Variants in CENPP observed in about 807,000 individuals in gnomAD.
The protein encoded by CENPP is centromere protein P.
In CENPP, 24 loss-of-function variants were observed where a neutral mutation model predicts 35.6. That is an observed-to-expected ratio of 0.67 (90% CI 0.49 to 0.95). CENPP has a LOEUF of 0.95. Among genes scored for constraint, CENPP ranks in the 40% least tolerant of loss-of-function variants. CENPP has a pLI of 0.00. For missense variants in CENPP, 332 were observed against 345.3 expected, an observed-to-expected ratio of 0.96 and a Z score of 0.31; for synonymous variants, 120 against 125.5, an observed-to-expected ratio of 0.96 and a Z score of 0.29.
At chr9:92,502,921 C>A (rs1023027844) in intron 5 of CENPP, among the ~76,000 whole-genome samples, 1 of 151,028 alleles carries the variant, frequency 6.6e-6, no homozygotes, top group African/African-American at 2.4e-5. Context: ...GATCCTACCA[C>A]CTCAGTCCCA....
chr9:92,457,101 C>A, intron 5 of CENPP: 1 of 1,391,094 alleles, frequency 7.2e-7, no homozygotes, highest in Non-Finnish European at 9.3e-7. Flanking sequence ...TCTCTCAACC[C>A]TTATGTATCA....
At chr9:92,589,372 A>G (rs1398296088) in intron 5 of CENPP, among the ~76,000 whole-genome samples, 1 of 152,044 alleles carries the variant, frequency 6.6e-6, no homozygotes, top group Admixed American at 6.5e-5. Context: ...TTTTAAGAGA[A>G]AAAGGAAACT....
At chr9:92,392,270 G>A (rs1842715127) in intron 5 of CENPP, among the ~76,000 whole-genome samples, 1 of 152,004 alleles carries the variant, frequency 6.6e-6, no homozygotes, top group Non-Finnish European at 1.5e-5. Flanking sequence ...ATGTTGCTTG[G>A]GCCCTACCCC....
At chr9:92,522,536 C>T (rs1848139608) in intron 5 of CENPP, 1 of 1,521,884 alleles carries the variant, frequency 6.6e-7, no homozygotes, top group Non-Finnish European at 8.8e-7. Flanking sequence ...CTCTCACCCT[C>T]CTCCCTCTTT....
At chr9:92,565,577 A>C (rs1388205524) in intron 5 of CENPP, among the ~76,000 whole-genome samples, 1 of 152,190 alleles carries the variant, frequency 6.6e-6, no homozygotes, top group East Asian at 1.9e-4. Context: ...CTATCCTTCA[A>C]ATATCAGAGA....
Position 92,620,386 on chromosome 9 carries a change from C to A in CENPP, c.*7237C>A, listed in dbSNP as rs1265961825. 2 of 152,284 alleles carry A rather than the reference C, an allele frequency of 1.3e-5. No individual in the cohort carries two copies. Among genetic ancestry groups the A allele is most frequent in the Admixed American group, 1.3e-4 (2 of 15,276 alleles). 9.4% of individuals were successfully genotyped at this position (152,284 alleles called of 1,614,324 possible). A position where few individuals can be genotyped will look rare whatever the true frequency, so the allele number is the denominator to read the frequency against. On this transcript the variant is annotated 3_prime_UTR_variant, in exon 8 of 8. Coordinates refer to ENST00000375587, the MANE Select transcript of CENPP (RefSeq NM_001012267.3). The stretch of plus-strand genomic sequence containing the variant: ...CAGGGAGAAAGGTGAAGGACAGGCA[C>A]CACAATGCTCACAACTGTCTCCTCT...
In CENPP at chr9:92,497,583, C is replaced by T. The variant is rs138455740; in HGVS notation, c.565-113731C>T. On this transcript the variant is annotated intron_variant, in intron 5 of 7. Coordinates refer to ENST00000375587, the MANE Select transcript of CENPP (RefSeq NM_001012267.3). ...AGGTTGCAGTGAGCTGAGATCACGC[C>T]GTTGCACTTCTGCCTGGGCAACAAG... Among the ~76,000 whole-genome samples, 19 of 149,716 alleles carry T rather than the reference C, an allele frequency of 1.3e-4. No homozygotes were observed. The East Asian group carries it at 2.4e-3, about 19-fold the overall frequency.
intron 5 of CENPP, among the ~76,000 whole-genome samples, chr9:92,402,984 C>G (rs1177062654): frequency 3.3e-5 from 5 of 152,052 alleles, no homozygotes; most frequent in Non-Finnish European, 5.9e-5. Flanking sequence ...ATCTTAAAGT[C>G]TAGTTTTCTT....
At chr9:92,610,163 CT>C (rs1234429888) in intron 5 of CENPP, among the ~76,000 whole-genome samples, 2 of 152,218 alleles carry the variant, frequency 1.3e-5, no homozygotes, top group African/African-American at 2.4e-5. Context: ...TTAAGCGATT[CT>C]TCTGCCTCAG....
intron 5 of CENPP, among the ~76,000 whole-genome samples, chr9:92,433,988 T>C (rs1844184859): frequency 6.6e-6 from 1 of 152,210 alleles, no homozygotes; most frequent in Admixed American, 6.5e-5. Flanking sequence ...ACTTATCTTA[T>C]ACTTTGTGCT....
At chr9:92,390,024 A>G (rs1564292749) in intron 5 of CENPP, 1 of 1,604,676 alleles carries the variant, frequency 6.2e-7, no homozygotes, top group South Asian at 1.1e-5. Flanking sequence ...TCTTCTATCA[A>G]ATTTCCTGTA....
At chr9:92,565,712 C>T (rs1047821838) in intron 5 of CENPP, among the ~76,000 whole-genome samples, 1 of 152,052 alleles carries the variant, frequency 6.6e-6, no homozygotes, top group South Asian at 2.1e-4. Flanking sequence ...TTTATCTTTC[C>T]CCTTTTGGGA....
intron 5 of CENPP, chr9:92,385,561 T>C: frequency 6.9e-7 from 1 of 1,441,170 alleles, no homozygotes; most frequent in Non-Finnish European, 9.7e-7. Flanking sequence ...CCTTTACTCA[T>C]TGTTGAGACA....
At chr9:92,520,644 A>G (rs1848007409) in intron 5 of CENPP, among the ~76,000 whole-genome samples, 1 of 152,228 alleles carries the variant, frequency 6.6e-6, no homozygotes, top group African/African-American at 2.4e-5. Flanking sequence ...GTGTTGAAAG[A>G]AAACTTATAT....
chr9:92,410,831 A>G (rs1843424975), intron 5 of CENPP, among the ~76,000 whole-genome samples: 1 of 152,176 alleles, frequency 6.6e-6, no homozygotes, highest in Non-Finnish European at 1.5e-5. Context: ...CCAATTATTT[A>G]TCTTTATCCT....
chr9:92,573,877 T>C (rs1850214249), intron 5 of CENPP, among the ~76,000 whole-genome samples: 1 of 152,224 alleles, frequency 6.6e-6, no homozygotes, highest in Non-Finnish European at 1.5e-5. Flanking sequence ...CGAGGCTTCG[T>C]GGGCATGGAA....
At chr9:92,470,207 C>A (rs1009925069) in intron 5 of CENPP, among the ~76,000 whole-genome samples, 15 of 152,262 alleles carry the variant, frequency 9.9e-5, no homozygotes, top group African/African-American at 2.6e-4. Flanking sequence ...AGAAAAAATT[C>A]TTTTCTTCTT....
intron 5 of CENPP, among the ~76,000 whole-genome samples, chr9:92,546,167 G>C (rs545564278): frequency 6.6e-6 from 1 of 152,326 alleles, no homozygotes; most frequent in East Asian, 1.9e-4. Context: ...CTAGCTCAGC[G>C]ATTGTAAACG....
intron 5 of CENPP, among the ~76,000 whole-genome samples, chr9:92,437,628 T>C (rs954537169): frequency 1.3e-5 from 2 of 152,136 alleles, no homozygotes; most frequent in Non-Finnish European, 2.9e-5. Context: ...CAAGCTGATC[T>C]TGAATTCCTG....
Sources: gnomAD v4.1 joint callset for allele counts (sites outside exome capture counted in the v4.1 genomes callset) on GRCh38, gnomAD v4.1.1 for gene constraint, MANE v1.5 for transcripts, NCBI Gene and HGNC (gene_info 2026-07-23, HGNC 2026-07-21) for gene names.